The following PRDM12 variants were observed in gnomAD, a reference collection of about 807,000 sequenced individuals.
PRDM12 encodes the protein PR domain zinc finger protein 12.
In PRDM12, 17 loss-of-function variants were observed where a neutral mutation model predicts 29.6. The ratio of observed to expected loss-of-function variants is 0.57; its 90% CI spans 0.39 to 0.86. PRDM12 has a LOEUF of 0.86. Ranked by LOEUF, PRDM12 falls within the 40% of genes least tolerant of loss-of-function variation. PRDM12 has a pLI of 0.00. For synonymous variants in PRDM12, 231 were observed against 225.8 expected, an observed-to-expected ratio of 1.02 and a Z score of -0.21; for missense variants, 422 against 510.8, an observed-to-expected ratio of 0.83 and a Z score of 1.68.
Position 130,681,620 on chromosome 9 carries a change from C to CCGG in PRDM12, c.1057_1058insGCG (p.Ala352_Ala353insGly). 4 of 935,160 alleles carry CCGG rather than the reference C, an allele frequency of 4.3e-6. No individual in the cohort carries two copies. Among genetic ancestry groups the CCGG allele is most frequent in the Non-Finnish European group, 5.0e-6 (4 of 793,886 alleles). The allele number at this position is 935,160 out of a possible 1,614,324, so 57.9% of individuals were successfully genotyped here. A position where few individuals can be genotyped will look rare whatever the true frequency, so the allele number is the denominator to read the frequency against. Reference sequence around the variant, plus strand: ...GCGCCCGCGCTCGCCGCCGCCGCCGCCGCCGCCGCCGCCGCCGCCGCGCAC... The same window carrying CCGG: ...GCGCCCGCGCTCGCCGCCGCCGCCGCCGGCGCCGCCGCCGCCGCCGCCGCGCAC... On this transcript the variant is annotated inframe_insertion, in exon 5 of 5. Coordinates refer to ENST00000253008, the MANE Select transcript of PRDM12 (RefSeq NM_021619.3). The surrounding 1 kb of genome is among the most constrained non-coding windows in gnomAD (Gnocchi z 8.1).
chr9:130,669,095 A>G (rs1366719726), intron 3 of PRDM12, among the ~76,000 whole-genome samples: 1 of 152,020 alleles, frequency 6.6e-6, no homozygotes, highest in Non-Finnish European at 1.5e-5. Flanking sequence ...TGAATTGCCG[A>G]GGCGGGCAGA....
At chr9:130,674,010 C>CTTTTTTTTTTTTTT (rs35863613) in intron 3 of PRDM12, among the ~76,000 whole-genome samples, 3 of 71,848 alleles carry the variant, frequency 4.2e-5, no homozygotes, top group African/African-American at 6.2e-5. Flanking sequence ...TTCTTTCTTT[C>CTTTTTTTTTTTTTT]TTTTTTTTTT....
At chr9:130,666,573 G>A in intron 1 of PRDM12, 35 bp from the exon 2 acceptor site, 1 of 1,593,888 alleles carries the variant, frequency 6.3e-7, no homozygotes, top group Non-Finnish European at 8.5e-7. Flanking sequence ...GGCTGCCTCG[G>A]GCTCTGACCG....
chr9:130,674,682 G>A (rs902495859), intron 3 of PRDM12, among the ~76,000 whole-genome samples: 2 of 152,172 alleles, frequency 1.3e-5, no homozygotes, highest in Middle Eastern at 3.4e-3. Context: ...GCAAACCAGC[G>A]ACAGTGGCTG....
chr9:130,679,756 G>A (rs1267121486), intron 4 of PRDM12, among the ~76,000 whole-genome samples: 1 of 152,090 alleles, frequency 6.6e-6, no homozygotes, highest in African/African-American at 2.4e-5. Context: ...AACCACCTGG[G>A]CTCAAGCTAT....
intron 1 of PRDM12, 70 bp from the exon 2 acceptor site, chr9:130,666,538 G>T: frequency 1.3e-6 from 2 of 1,555,830 alleles, no homozygotes; most frequent in South Asian, 2.4e-5. Context: ...CCGGGGTCCC[G>T]GCGGGGAAGG....
intron 4 of PRDM12, among the ~76,000 whole-genome samples, chr9:130,680,925 G>C (rs10901272): frequency 6.6e-6 from 1 of 151,622 alleles, no homozygotes. Context: ...TCATCCTCTC[G>C]GGCAATCGTA....
chr9:130,674,730 C>T (rs1286130441), intron 3 of PRDM12, among the ~76,000 whole-genome samples: 2 of 152,026 alleles, frequency 1.3e-5, no homozygotes, highest in East Asian at 1.9e-4. Flanking sequence ...TCATTTCATA[C>T]CATGTTATAT....
chr9:130,667,873 G>C (rs1830748052), intron 2 of PRDM12, among the ~76,000 whole-genome samples: 1 of 152,170 alleles, frequency 6.6e-6, no homozygotes, highest in African/African-American at 2.4e-5. Context: ...GTGATCCCTT[G>C]GAGACCCTCT....
chr9:130,667,459 C>T (rs750239867), intron 2 of PRDM12, among the ~76,000 whole-genome samples: 18 of 152,106 alleles, frequency 1.2e-4, no homozygotes, highest in Non-Finnish European at 2.1e-4. Context: ...CTTTGCAGAA[C>T]GGGAAACCCA....
intron 1 of PRDM12, among the ~76,000 whole-genome samples, chr9:130,665,462 AT>A (rs1438682389): frequency 6.6e-6 from 1 of 152,132 alleles, no homozygotes; most frequent in Non-Finnish European, 1.5e-5. Context: ...TGGCTCTGGC[AT>A]CTCTGCGCGT....
At chr9:130,667,265 G>A (rs527411410) in intron 2 of PRDM12, among the ~76,000 whole-genome samples, 6 of 152,350 alleles carry the variant, frequency 3.9e-5, no homozygotes, top group South Asian at 2.1e-4. Flanking sequence ...TGACATTCAC[G>A]ATGACTGTGG....
intron 3 of PRDM12, among the ~76,000 whole-genome samples, chr9:130,675,026 C>T (rs1267814107): frequency 1.3e-5 from 2 of 151,996 alleles, no homozygotes; most frequent in Non-Finnish European, 2.9e-5. Context: ...ATTACAGGTG[C>T]CCACCACCAC....
intron 2 of PRDM12, among the ~76,000 whole-genome samples, chr9:130,667,705 C>G (rs529723929): frequency 7.9e-5 from 12 of 152,256 alleles, no homozygotes; most frequent in African/African-American, 2.9e-4. Flanking sequence ...TGGCAGCTCC[C>G]GTGAAGGGGT....
Position 130,678,653 on chromosome 9 carries a change from C to T in PRDM12, c.682+13C>T. ...AAGAACAAGCATGGTAGGTGTTCCCCATGGGGCCGCTGAGACACAGACCCA... is the reference window on the plus strand; with the variant it reads ...AAGAACAAGCATGGTAGGTGTTCCCTATGGGGCCGCTGAGACACAGACCCA... On this transcript the variant is annotated intron_variant, in intron 4 of 4. Coordinates refer to ENST00000253008, the MANE Select transcript of PRDM12 (RefSeq NM_021619.3). 1 of 1,580,146 alleles carries T rather than the reference C, an allele frequency of 6.3e-7. No individual in the cohort carries two copies. Among genetic ancestry groups the T allele is most frequent in the Non-Finnish European group, 8.7e-7 (1 of 1,150,556 alleles).
chr9:130,678,677 C>T (rs1395390365), intron 4 of PRDM12, 37 bp downstream of exon 4: 1 of 1,521,510 alleles, frequency 6.6e-7, no homozygotes, highest in Non-Finnish European at 9.1e-7. Context: ...GACACAGACC[C>T]ATGGAGAGGG....
At chr9:130,680,011 G>A (rs965068039) in intron 4 of PRDM12, among the ~76,000 whole-genome samples, 9 of 152,154 alleles carry the variant, frequency 5.9e-5, no homozygotes, top group African/African-American at 2.2e-4. Flanking sequence ...TGTTTATTAA[G>A]TCCTTGCTCT....
chr9:130,680,659 A>ATATATATATATATTTTTTTTT, intron 4 of PRDM12, among the ~76,000 whole-genome samples: 3 of 72,166 alleles, frequency 4.2e-5, no homozygotes, highest in Admixed American at 1.9e-4. Context: ...ATATATATAT[A>ATATATATATATATTTTTTTTT]TTTTTTTTTT....
intron 1 of PRDM12, among the ~76,000 whole-genome samples, chr9:130,665,278 C>T (rs1314343899): frequency 2.0e-5 from 3 of 149,838 alleles, no homozygotes; most frequent in Non-Finnish European, 4.4e-5. Flanking sequence ...CCCACTTAAA[C>T]CAAGAACTTT....
Sources: allele counts gnomAD v4.1 joint callset (sites outside exome capture counted in the v4.1 genomes callset), GRCh38; gene constraint gnomAD v4.1.1; non-coding constraint Gnocchi (gnomAD v3.1); transcripts MANE v1.5; gene names NCBI Gene and HGNC (gene_info 2026-07-23, HGNC 2026-07-21).